SLC4A10: variants seen among roughly 807,000 people sequenced by gnomAD.
The protein encoded by SLC4A10 is solute carrier family 4 member 10.
In SLC4A10, 42 loss-of-function variants were observed where a neutral mutation model predicts 137.7. The observed-to-expected ratio is 0.30, with a 90% confidence interval of 0.24 to 0.39. The LOEUF (loss-of-function observed/expected upper bound fraction) is 0.39. SLC4A10 is among the 10% of genes least tolerant of loss of function. The probability of loss-of-function intolerance (pLI) is 1.00; values close to 1 mark genes in which losing one functional copy is unlikely to be tolerated. For synonymous variants in SLC4A10, 474 were observed against 464.1 expected, an observed-to-expected ratio of 1.02 and a Z score of -0.27; for missense variants, 925 against 1,355.0, an observed-to-expected ratio of 0.68 and a Z score of 4.98.
At chr2:161,970,587 A>G (rs1698352257) in intron 23 of SLC4A10, among the ~76,000 whole-genome samples, 1 of 152,158 alleles carries the variant, frequency 6.6e-6, no homozygotes, top group Non-Finnish European at 1.5e-5. Flanking sequence ...TTCCCTCTCT[A>G]ACACTCTAAG....
At chr2:161,936,629 G>A (rs1691633762) in intron 15 of SLC4A10, among the ~76,000 whole-genome samples, 1 of 151,912 alleles carries the variant, frequency 6.6e-6, no homozygotes, top group Non-Finnish European at 1.5e-5. Context: ...GTATTTTAAT[G>A]TCTCCTCTTT....
In SLC4A10 at chr2:161,904,640, C is replaced by T. The variant is rs1050725152; in HGVS notation, c.1618-136C>T. ...AGCCCCTTTAGTCATCCTTCTACCC[C>T]ACGTCTTGCCCAGGGTTGCTAGACT... On this transcript the variant is annotated intron_variant, in intron 13 of 26. Transcript: ENST00000446997. The T allele has an allele frequency of 5.1e-6, 5 of 978,600 alleles. No homozygotes were observed. In the African/African-American group the frequency reaches 6.5e-5, roughly 13 times the overall value. 60.6% of individuals were successfully genotyped at this position (978,600 alleles called of 1,614,324 possible). A position where few individuals can be genotyped will look rare whatever the true frequency, so the allele number is the denominator to read the frequency against.
At chr2:161,630,687 C>T (rs1052539025) in intron 1 of SLC4A10, among the ~76,000 whole-genome samples, 12 of 151,560 alleles carry the variant, frequency 7.9e-5, no homozygotes, top group African/African-American at 2.9e-4. Context: ...GGCTGAGTTC[C>T]AAATTAAAAT....
chr2:161,635,574 C>G (rs973168723), intron 1 of SLC4A10, among the ~76,000 whole-genome samples: 2 of 152,078 alleles, frequency 1.3e-5, no homozygotes, highest in African/African-American at 4.8e-5. Context: ...TCTGGTAAAG[C>G]CATGTTTCAT....
At chr2:161,815,361 C>T (rs1287625143) in intron 3 of SLC4A10, among the ~76,000 whole-genome samples, 1 of 152,038 alleles carries the variant, frequency 6.6e-6, no homozygotes. Context: ...GGCAGTGTTC[C>T]CAGCTCTTTG....
chr2:161,727,447 A>G (rs933981522), intron 1 of SLC4A10, among the ~76,000 whole-genome samples: 1 of 152,340 alleles, frequency 6.6e-6, no homozygotes, highest in Admixed American at 6.5e-5. Context: ...TCTGAAGAAA[A>G]CTTCCAACAT....
At chr2:161,969,227 T>C (rs1003309840) in intron 23 of SLC4A10, among the ~76,000 whole-genome samples, 5 of 152,190 alleles carry the variant, frequency 3.3e-5, no homozygotes, top group Non-Finnish European at 7.3e-5. Flanking sequence ...GAGAAAACAT[T>C]CATTTGACCT....
chr2:161,844,097 A>C (rs2090190159), intron 4 of SLC4A10, among the ~76,000 whole-genome samples: 1 of 152,152 alleles, frequency 6.6e-6, no homozygotes, highest in African/African-American at 2.4e-5. Flanking sequence ...ACAGCTGTGC[A>C]GTTGTGGCGA....
chr2:161,686,970 C>T (rs181568398), intron 1 of SLC4A10, among the ~76,000 whole-genome samples: 46 of 148,012 alleles, frequency 3.1e-4, no homozygotes, highest in Admixed American at 3.0e-3. Flanking sequence ...GCAACCTCCG[C>T]CTCCCGGGTT....
chr2:161,679,994 C>A (rs538595774), intron 1 of SLC4A10, among the ~76,000 whole-genome samples: 1 of 151,986 alleles, frequency 6.6e-6, no homozygotes, highest in Non-Finnish European at 1.5e-5. Context: ...TTTTTATATA[C>A]CTTGAATTAC....
chr2:161,785,821 T>C (rs1451124000), intron 2 of SLC4A10, among the ~76,000 whole-genome samples: 1 of 151,948 alleles, frequency 6.6e-6, no homozygotes, highest in Non-Finnish European at 1.5e-5. Flanking sequence ...TTCAACATAG[T>C]ACTAGAAGTC....
intron 1 of SLC4A10, among the ~76,000 whole-genome samples, chr2:161,661,349 C>T (rs1360387392): frequency 1.3e-5 from 2 of 152,206 alleles, no homozygotes; most frequent in Admixed American, 1.3e-4. Flanking sequence ...GTGGCGCACG[C>T]CTGTAGTCCC....
intron 1 of SLC4A10, among the ~76,000 whole-genome samples, chr2:161,697,626 T>C (rs1423465763): frequency 1.3e-5 from 2 of 152,210 alleles, no homozygotes; most frequent in African/African-American, 2.4e-5. Flanking sequence ...AGATGTGTGG[T>C]ATTATTTCTG....
chr2:161,974,960 A>G lies in SLC4A10; in HGVS notation c.3227+644A>G, dbSNP rs1699151040. ...TAAACGGTTATCTTGTACAATTCTAAGTATCAATTAGTGCCCAATTTTATA... is the reference window on the plus strand; with the variant it reads ...TAAACGGTTATCTTGTACAATTCTAGGTATCAATTAGTGCCCAATTTTATA... On this transcript the variant is annotated intron_variant, in intron 24 of 26. Coordinates refer to ENST00000446997, the MANE Select transcript of SLC4A10 (RefSeq NM_001178015.2). 2.0e-5 allele frequency among the ~76,000 whole-genome samples: 3 copies of G among 152,136 alleles called. 1 individual carries two copies. The highest frequency in any genetic ancestry group is 1.3e-4 in the Admixed American group (2 of 15,276).
intron 1 of SLC4A10, among the ~76,000 whole-genome samples, chr2:161,703,337 G>A (rs2125018004): frequency 6.6e-6 from 1 of 151,712 alleles, no homozygotes; most frequent in East Asian, 1.9e-4. Context: ...ATACCAGTTA[G>A]CCATTAAACA....
At chr2:161,966,123 C>A (rs781291194) in intron 23 of SLC4A10, among the ~76,000 whole-genome samples, 2 of 152,142 alleles carry the variant, frequency 1.3e-5, no homozygotes, top group Non-Finnish European at 2.9e-5. Context: ...AGGTCTTAGT[C>A]ATTTAATGAG....
intron 1 of SLC4A10, among the ~76,000 whole-genome samples, chr2:161,710,057 A>C (rs1282660351): frequency 6.6e-6 from 1 of 151,564 alleles, no homozygotes; most frequent in East Asian, 1.9e-4. Context: ...TGAAACAATG[A>C]ATTGATTCAG....
At chr2:161,812,865 T>G (rs2056688977) in intron 3 of SLC4A10, among the ~76,000 whole-genome samples, 1 of 152,112 alleles carries the variant, frequency 6.6e-6, no homozygotes, top group South Asian at 2.1e-4. Flanking sequence ...CTCTGTATCC[T>G]TTTCCTCTGT....
At chr2:161,879,016 A>G (rs1174174809) in intron 8 of SLC4A10, 115 bp from the exon 9 acceptor site, 7 of 865,774 alleles carry the variant, frequency 8.1e-6, no homozygotes, top group Non-Finnish European at 1.2e-5. Flanking sequence ...AACTGTGTGT[A>G]TTTATTTAAA....
Sources: gnomAD v4.1 joint callset for allele counts (sites outside exome capture counted in the v4.1 genomes callset) on GRCh38, gnomAD v4.1.1 for gene constraint, MANE v1.5 for transcripts, NCBI Gene and HGNC (gene_info 2026-07-23, HGNC 2026-07-21) for gene names.